Variants in PDIA5 observed in about 807,000 individuals in gnomAD.
The protein encoded by PDIA5 is protein disulfide-isomerase A5.
In PDIA5, 58 loss-of-function variants were observed where a neutral mutation model predicts 77.6. That is an observed-to-expected ratio of 0.75 (90% confidence interval 0.61 to 0.93). The LOEUF (loss-of-function observed/expected upper bound fraction) is 0.93. Ranked by LOEUF, PDIA5 falls within the 40% of genes least tolerant of loss-of-function variation. PDIA5 has a pLI of 0.00. For missense variants in PDIA5, 630 were observed against 647.7 expected (o/e 0.97, Z 0.30); for synonymous variants, 250 against 252.1 (o/e 0.99, Z 0.08).
At position 123,120,174 on chromosome 3, in the gene PDIA5, G is replaced by A. The variant is rs548046388; in HGVS notation, c.609+3876G>A. On this transcript the variant is annotated intron_variant, in intron 8 of 16. Coordinates refer to ENST00000316218, the MANE Select transcript of PDIA5 (RefSeq NM_006810.4). ...CTTTGAGCTTTGCCTAGTCTTTGGT[G>A]GACCTCGGCCATGATGGGCCAGTCT... 2.6e-5 allele frequency among the ~76,000 whole-genome samples: 4 copies of A among 152,282 alleles called. No homozygotes were observed. The East Asian group carries it at 7.7e-4, about 29-fold the overall frequency.
chr3:123,128,669 G>A (rs190022748), intron 10 of PDIA5, among the ~76,000 whole-genome samples: 1 of 152,052 alleles, frequency 6.6e-6, no homozygotes, highest in African/African-American at 2.4e-5. Flanking sequence ...CACCATGCCC[G>A]ACTAATTTTT....
chr3:123,154,079 A>T (rs116646683), intron 14 of PDIA5, among the ~76,000 whole-genome samples: 1,687 of 152,248 alleles, frequency 0.011, 37 homozygotes, highest in African/African-American at 0.037. Flanking sequence ...GAAGGGCTGG[A>T]TCAGCCTGCA....
intron 1 of PDIA5, among the ~76,000 whole-genome samples, chr3:123,071,393 G>A (rs1302813118): frequency 6.6e-6 from 1 of 152,160 alleles, no homozygotes; most frequent in Non-Finnish European, 1.5e-5. Context: ...AGGACAGTGG[G>A]TGGAGGTGCA....
rs1270826124 is a variant in PDIA5 at position 123,097,200 on chromosome 3, C to T, written c.257+4758C>T. Among the ~76,000 whole-genome samples, 5 of 152,218 alleles carry T rather than the reference C, an allele frequency of 3.3e-5. No individual in the cohort carries two copies. In the South Asian group the frequency reaches 6.2e-4, roughly 19 times the overall value. On this transcript the variant is annotated intron_variant, in intron 3 of 16. Transcript: ENST00000316218. Reference sequence around the variant, plus strand: ...TTGCTCCTAAGCATGTTCAACATTACTTACCAGGGGGTAAAACAGACTCCC... The same window carrying T: ...TTGCTCCTAAGCATGTTCAACATTATTTACCAGGGGGTAAAACAGACTCCC...
At chr3:123,129,507 ATTTC>A in intron 10 of PDIA5, among the ~76,000 whole-genome samples, 1 of 152,106 alleles carries the variant, frequency 6.6e-6, no homozygotes, top group Non-Finnish European at 1.5e-5. Flanking sequence ...ACTTTAAAAT[ATTTC>A]CTCCTGTAGG....
chr3:123,102,269 G>A, intron 3 of PDIA5, 142 bp from the exon 4 acceptor site: 1 of 666,964 alleles, frequency 1.5e-6, no homozygotes, highest in Non-Finnish European at 2.7e-6. Context: ...AGCTCTCACA[G>A]CCCATCTATA....
chr3:123,077,298 C>T (rs1186728425), intron 1 of PDIA5, among the ~76,000 whole-genome samples: 44 of 152,168 alleles, frequency 2.9e-4, no homozygotes, highest in Non-Finnish European at 1.5e-5. Flanking sequence ...CAAGGTAATT[C>T]AGTTAGATAA....
At chr3:123,099,441 A>G (rs1934527180) in intron 3 of PDIA5, among the ~76,000 whole-genome samples, 1 of 152,228 alleles carries the variant, frequency 6.6e-6, no homozygotes, top group South Asian at 2.1e-4. Flanking sequence ...CAGATGGGAC[A>G]GGAAGCCTCC....
chr3:123,110,977 C>T lies in PDIA5; in HGVS notation c.514C>T (p.Pro172Ser), dbSNP rs540711300. The change falls in exon 7 of 17, where the codon CCG (proline) becomes TCG (serine). Residue 172 changes from proline (P) to serine (S), a missense_variant. Coordinates refer to ENST00000316218, the MANE Select transcript of PDIA5 (RefSeq NM_006810.4). ...ACGGCTCCTGAAGAAGGAAGAGAAGCCGCTCCTGATCATGTTTTATGCCCC... is the reference window on the plus strand; with the variant it reads ...ACGGCTCCTGAAGAAGGAAGAGAAGTCGCTCCTGATCATGTTTTATGCCCC... The part of the protein sequence containing the change: ...FRRLLKKEEK[P>S]LLIMFYAPWC... 1 of 1,613,892 alleles carries T rather than the reference C, an allele frequency of 6.2e-7. No individual in the cohort carries two copies. The highest frequency in any genetic ancestry group is 1.1e-5 in the South Asian group (1 of 91,066).
At chr3:123,111,066 A>C in intron 7 of PDIA5, 62 bp downstream of exon 7, 4 of 641,770 alleles carry the variant, frequency 6.2e-6, no homozygotes, top group African/African-American at 1.9e-5. Flanking sequence ...GGTGGGAGGC[A>C]GGTGGGGGTT....
Position 123,153,676 on chromosome 3 carries a change from C to T in PDIA5, c.1274-1295C>T, listed in dbSNP as rs183255957. ...TACACCCCCACCCCCCATCACCCCC[C>T]ACAATGCTCTGGGCCAGCTGGCCAC... On this transcript the variant is annotated intron_variant, in intron 14 of 16. Transcript: ENST00000316218. 6.6e-5 allele frequency among the ~76,000 whole-genome samples: 10 copies of T among 152,288 alleles called. No individual in the cohort carries two copies. The East Asian group carries it at 1.2e-3, about 18-fold the overall frequency.
chr3:123,155,247 AC>A (rs1470627191), intron 15 of PDIA5, among the ~76,000 whole-genome samples: 2 of 152,214 alleles, frequency 1.3e-5, no homozygotes, highest in African/African-American at 4.8e-5. Context: ...GATATGCTGA[AC>A]CATTCCAGCA....
intron 1 of PDIA5, among the ~76,000 whole-genome samples, chr3:123,074,934 ACCAGC>A (rs1199800478): frequency 6.6e-6 from 1 of 152,170 alleles, no homozygotes; most frequent in African/African-American, 2.4e-5. Flanking sequence ...CCACCTAAGG[ACCAGC>A]TGTGTTCTAG....
chr3:123,117,443 T>TTGAGCTCC (rs1935024384), intron 8 of PDIA5, among the ~76,000 whole-genome samples: 2 of 142,790 alleles, frequency 1.4e-5, no homozygotes, highest in African/African-American at 5.2e-5. Context: ...CAGGTTGGAC[T>TTGAGCTCC]TGAGCTCCTG....
chr3:123,154,914 T>C (rs1170915440), intron 14 of PDIA5, 57 bp from the exon 15 acceptor site: 1 of 1,188,522 alleles, frequency 8.4e-7, no homozygotes, highest in African/African-American at 1.5e-5. Flanking sequence ...TCCCTGGCCC[T>C]GCAGCCTCCC....
chr3:123,102,153 G>A (rs1934618372), intron 3 of PDIA5, among the ~76,000 whole-genome samples: 1 of 152,036 alleles, frequency 6.6e-6, no homozygotes, highest in South Asian at 2.1e-4. Flanking sequence ...CAGGTGATCT[G>A]CCTGCCTTGG....
rs147217132 is a variant in PDIA5 at position 123,086,849 on chromosome 3, T to C, written c.43-2319T>C. Reference sequence around the variant, plus strand: ...GCGCTGGTGGTAAATGTTATACATCTGATATTTTCATCTGTTCAAGTCTAT... The same window carrying C: ...GCGCTGGTGGTAAATGTTATACATCCGATATTTTCATCTGTTCAAGTCTAT... On this transcript the variant is annotated intron_variant, in intron 1 of 16. Coordinates refer to ENST00000316218, the MANE Select transcript of PDIA5 (RefSeq NM_006810.4). 1.4e-3 allele frequency among the ~76,000 whole-genome samples: 220 copies of C among 152,356 alleles called. 1 individual carries two copies. Among genetic ancestry groups the C allele is most frequent in the African/African-American group, 5.0e-3 (207 of 41,594 alleles).
At chr3:123,146,327 A>C (rs1283947807) in intron 13 of PDIA5, 68 bp downstream of exon 13, 2 of 1,343,716 alleles carry the variant, frequency 1.5e-6, no homozygotes, top group African/African-American at 2.9e-5. Flanking sequence ...CACCTTGAGG[A>C]GGTGAAGTAA....
chr3:123,120,942 A>G (rs1935101527), intron 8 of PDIA5, among the ~76,000 whole-genome samples: 1 of 152,184 alleles, frequency 6.6e-6, no homozygotes, highest in African/African-American at 2.4e-5. Flanking sequence ...TGACCACAGC[A>G]TTCCCTCATA....
Sources: allele counts gnomAD v4.1 joint callset (sites outside exome capture counted in the v4.1 genomes callset), GRCh38; gene constraint gnomAD v4.1.1; transcripts MANE v1.5; gene names NCBI Gene and HGNC (gene_info 2026-07-23, HGNC 2026-07-21).